Variants in DYNLRB2 observed in about 807,000 individuals in gnomAD.
DYNLRB2 encodes bithoraxoid-like protein.
Under a neutral mutation model 12.6 loss-of-function variants are expected in DYNLRB2, and 14 were observed. The ratio of observed to expected loss-of-function variants is 1.11; its 90% CI spans 0.73 to 1.73. DYNLRB2 has a LOEUF of 1.73. Ranked by LOEUF, DYNLRB2 falls within the 40% of genes most tolerant of loss-of-function variation. The pLI is 0.00. For missense variants in DYNLRB2, 142 were observed against 117.7 expected (o/e 1.21, Z -0.95); for synonymous variants, 53 against 37.0 (o/e 1.43, Z -1.57).
chr16:80,548,998 G>C (rs1043775377), intron 2 of DYNLRB2: 1 of 456,008 alleles, frequency 2.2e-6, no homozygotes, highest in Non-Finnish European at 4.4e-6. Flanking sequence ...ACTCACTATA[G>C]ACAAGATGTT....
At chr16:80,544,873 T>C (rs546672137) in intron 2 of DYNLRB2, 2 of 152,280 alleles carry the variant, frequency 1.3e-5, no homozygotes, top group South Asian at 4.2e-4. Context: ...CACGTAGCAT[T>C]CTCATCTTTG....
chr16:80,543,026 G>T (rs755787773), intron 1 of DYNLRB2, among the ~76,000 whole-genome samples: 5 of 152,188 alleles, frequency 3.3e-5, no homozygotes, highest in Admixed American at 6.5e-5. Flanking sequence ...CTCCTGTGAG[G>T]CAGTAAGCTC....
chr16:80,541,046 G>C lies in DYNLRB2; in HGVS notation c.-31G>C, dbSNP rs755943372. 6.2e-7 allele frequency: 1 copy of C among 1,606,638 alleles called. No individual in the cohort carries two copies. The highest frequency in any genetic ancestry group is 8.5e-7 in the Non-Finnish European group (1 of 1,175,806). On this transcript the variant is annotated 5_prime_UTR_variant, in exon 1 of 4. Transcript: ENST00000305904. ...TGACATCCCGGGAGGCTGTGCCGCC[G>C]GCCTGAGCCCAGAGTTTCGCGGCCT...
At chr16:80,542,712 A>T (rs1268944085) in intron 1 of DYNLRB2, among the ~76,000 whole-genome samples, 1 of 152,234 alleles carries the variant, frequency 6.6e-6, no homozygotes, top group Non-Finnish European at 1.5e-5. Context: ...CTGAGACGCA[A>T]GCTATAGTTA....
intron 1 of DYNLRB2, 100 bp from the exon 2 acceptor site, chr16:80,543,176 A>C: frequency 8.3e-7 from 1 of 1,202,058 alleles, no homozygotes; most frequent in Non-Finnish European, 1.2e-6. Flanking sequence ...ACCTTAGGTT[A>C]AGGAGATAGG....
intron 2 of DYNLRB2, among the ~76,000 whole-genome samples, chr16:80,548,495 A>T (rs1904621262): frequency 6.6e-6 from 1 of 152,198 alleles, no homozygotes; most frequent in South Asian, 2.1e-4. Flanking sequence ...GGGAGGCATG[A>T]GGCGGGTGGA....
At position 80,549,643 on chromosome 16, in the gene DYNLRB2, T is replaced by G. The variant is rs545952099; in HGVS notation, c.239T>G (p.Val80Gly). 6.3e-7 allele frequency: 1 copy of G among 1,589,770 alleles called. No individual in the cohort carries two copies. Among genetic ancestry groups the G allele is most frequent in the Non-Finnish European group, 8.6e-7 (1 of 1,162,902 alleles). ...RIRSKKHEIM[V>G]APDKEYLLIV... ...AGATCAAAGAAACATGAAATCATGG[T>G]AGCTCCAGGTAATTTGGCATTTCAT... The change falls in exon 3 of 4, where the codon GTA becomes GGA. Residue 80 changes from valine (V) to glycine (G), a missense_variant. By Grantham distance (109) the Val-to-Gly change is moderately radical. Coordinates refer to ENST00000305904, the MANE Select transcript of DYNLRB2 (RefSeq NM_130897.3).
At chr16:80,543,456 A>G in intron 2 of DYNLRB2, 105 bp downstream of exon 2, 2 of 1,050,080 alleles carry the variant, frequency 1.9e-6, no homozygotes, top group Admixed American at 2.3e-5. Flanking sequence ...CATCAAAAAT[A>G]TATTTATATA....
rs1192787406 is a variant in DYNLRB2 at position 80,550,265 on chromosome 16, TG to T, written c.248-248del. On this transcript the variant is annotated intron_variant, in intron 3 of 3. Coordinates refer to ENST00000305904, the MANE Select transcript of DYNLRB2 (RefSeq NM_130897.3). ...CACCCTGGCTACACATCCAATCACTTGGAGGACATTTTAAAATTTTTTCCAT... is the reference window on the plus strand; with the variant it reads ...CACCCTGGCTACACATCCAATCACTTGAGGACATTTTAAAATTTTTTCCAT... Among the ~76,000 whole-genome samples, 4 of 152,322 alleles carry T rather than the reference TG, an allele frequency of 2.6e-5. No homozygotes were observed. In the East Asian group the frequency reaches 7.7e-4, roughly 29 times the overall value.
chr16:80,548,830 A>G (rs1455170923), intron 2 of DYNLRB2: 1 of 420,616 alleles, frequency 2.4e-6, no homozygotes, highest in Non-Finnish European at 4.9e-6. Flanking sequence ...CAATATCCTT[A>G]TTACCACATT....
intron 3 of DYNLRB2, among the ~76,000 whole-genome samples, chr16:80,550,038 G>C (rs996265606): frequency 6.6e-6 from 1 of 152,168 alleles, no homozygotes; most frequent in Non-Finnish European, 1.5e-5. Context: ...TGTGAGGAAA[G>C]TACATCCCCC....
intron 2 of DYNLRB2, chr16:80,548,055 G>A (rs374190760): frequency 7.7e-4 from 232 of 302,114 alleles, no homozygotes; most frequent in African/African-American, 4.6e-3. Context: ...CGCTTGTCTC[G>A]TTTAATCGTT....
chr16:80,541,810 AAG>A (rs1904290980), intron 1 of DYNLRB2, among the ~76,000 whole-genome samples: 1 of 152,188 alleles, frequency 6.6e-6, no homozygotes, highest in South Asian at 2.1e-4. Flanking sequence ...CAGTGGCTGT[AAG>A]AAGCTGTGGA....
At chr16:80,541,196 G>C in intron 1 of DYNLRB2, 117 bp downstream of exon 1, 1 of 1,460,722 alleles carries the variant, frequency 6.8e-7, no homozygotes, top group Non-Finnish European at 9.1e-7. Context: ...CCGCGGCGGA[G>C]GCTGGTGGCT....
At chr16:80,550,372 T>C in intron 3 of DYNLRB2, 143 bp from the exon 4 acceptor site, 1 of 846,110 alleles carries the variant, frequency 1.2e-6, no homozygotes. Context: ...ACTGAACAGG[T>C]AATTCATACG....
Position 80,550,713 on chromosome 16 carries a change from T to A in DYNLRB2, c.*155T>A. On this transcript the variant is annotated 3_prime_UTR_variant, in exon 4 of 4. Transcript: ENST00000305904. ...TCTGCATGTCTCATTTAGTCCCTTTTGATTATATTGTGAAGTTGTACTTTA... is the reference window on the plus strand; with the variant it reads ...TCTGCATGTCTCATTTAGTCCCTTTAGATTATATTGTGAAGTTGTACTTTA... The A allele has an allele frequency of 1.3e-6, 1 of 777,140 alleles. No homozygotes were observed. The highest frequency in any genetic ancestry group is 2.1e-6 in the Non-Finnish European group (1 of 477,402). The allele number at this position is 777,140 out of a possible 1,614,324, so 48.1% of individuals were successfully genotyped here.
chr16:80,548,891 T>C (rs982501975), intron 2 of DYNLRB2: 3 of 455,310 alleles, frequency 6.6e-6, no homozygotes, highest in Non-Finnish European at 1.3e-5. Flanking sequence ...GAGTCCCTTT[T>C]GATGTACCCT....
intron 2 of DYNLRB2, among the ~76,000 whole-genome samples, chr16:80,543,575 T>G (rs1904309606): frequency 6.6e-6 from 1 of 152,260 alleles, no homozygotes; most frequent in South Asian, 2.1e-4. Context: ...TCTAAAAATC[T>G]CTATATACTC....
At chr16:80,550,011 G>C (rs915051032) in intron 3 of DYNLRB2, among the ~76,000 whole-genome samples, 3 of 152,278 alleles carry the variant, frequency 2.0e-5, no homozygotes, top group African/African-American at 7.2e-5. Flanking sequence ...AAGGCCTGTA[G>C]GTTCTTAAAC....
Sources: gnomAD v4.1 joint callset for allele counts (sites outside exome capture counted in the v4.1 genomes callset) on GRCh38, gnomAD v4.1.1 for gene constraint, MANE v1.5 for transcripts, NCBI Gene and HGNC (gene_info 2026-07-23, HGNC 2026-07-21) for gene names.